COL15A1: variants seen among roughly 807,000 people sequenced by gnomAD.
COL15A1 encodes the protein collagen type XV alpha 1 chain.
COL15A1 carries 111 observed loss-of-function variants against 165.9 expected under a neutral mutation model. That is an observed-to-expected ratio of 0.67 (90% CI 0.57 to 0.78). The LOEUF is 0.78. COL15A1 is among the 30% of genes least tolerant of loss of function. The pLI, the probability that COL15A1 is intolerant of heterozygous loss-of-function variation, is 0.00. For missense variants in COL15A1, 1,745 were observed against 1,789.7 expected (o/e 0.98, Z 0.45); for synonymous variants, 659 against 674.8 (o/e 0.98, Z 0.36).
At chr9:98,944,284 C>T in intron 2 of COL15A1, 34 bp downstream of exon 2, 1 of 1,599,922 alleles carries the variant, frequency 6.3e-7, no homozygotes, top group Non-Finnish European at 8.5e-7. Flanking sequence ...GCACCGGCTG[C>T]CTCCGCGCCC....
At chr9:98,990,358 C>T (rs1375266165) in intron 5 of COL15A1, among the ~76,000 whole-genome samples, 2 of 152,178 alleles carry the variant, frequency 1.3e-5, no homozygotes, top group Non-Finnish European at 2.9e-5. Context: ...AAGTCCATCC[C>T]AAGGATGGCG....
chr9:99,036,459 G>T (rs1314663153), intron 21 of COL15A1, 63 bp downstream of exon 21: 36 of 1,568,042 alleles, frequency 2.3e-5, no homozygotes, highest in African/African-American at 5.4e-5. Context: ...GGGAGGAGAA[G>T]GTTGTCCATG....
intron 2 of COL15A1, among the ~76,000 whole-genome samples, chr9:98,946,999 A>T (rs1837597448): frequency 1.3e-5 from 2 of 152,222 alleles, no homozygotes; most frequent in Non-Finnish European, 2.9e-5. Flanking sequence ...GTTTCTTAAA[A>T]TGTTAAATAT....
At chr9:99,044,873 A>T in intron 26 of COL15A1, 103 bp downstream of exon 26, 7 of 1,144,376 alleles carry the variant, frequency 6.1e-6, no homozygotes, top group Non-Finnish European at 9.1e-6. Flanking sequence ...AAATTCAAAG[A>T]TGTGGCAAAG....
chr9:99,066,621 TTTTC>T (rs2063571919), intron 39 of COL15A1, among the ~76,000 whole-genome samples: 1 of 137,808 alleles, frequency 7.3e-6, no homozygotes, highest in African/African-American at 2.9e-5. Flanking sequence ...TTTTTTTTTT[TTTTC>T]ACCTAAGGAA....
At chr9:99,023,137 A>C (rs1839055732) in intron 13 of COL15A1, among the ~76,000 whole-genome samples, 1 of 152,146 alleles carries the variant, frequency 6.6e-6, no homozygotes, top group Non-Finnish European at 1.5e-5. Flanking sequence ...GCAGGAAAGG[A>C]GGCCGAGGAC....
chr9:98,992,384 G>A (rs1044139421), intron 5 of COL15A1, among the ~76,000 whole-genome samples: 1 of 152,236 alleles, frequency 6.6e-6, no homozygotes, highest in African/African-American at 2.4e-5. Flanking sequence ...CGGTGGCACC[G>A]GCTGGCCGCT....
At chr9:99,001,279 C>A (rs189877035) in intron 7 of COL15A1, among the ~76,000 whole-genome samples, 22 of 152,286 alleles carry the variant, frequency 1.4e-4, no homozygotes, top group Middle Eastern at 3.4e-3. Flanking sequence ...CCTTTGAGTC[C>A]CCTTCAAGAC....
Position 99,055,271 on chromosome 9 carries a change from GGAGA to G in COL15A1, c.3092_3095del (p.Gly1031AlafsTer121). 6.2e-7 allele frequency: 1 copy of G among 1,611,370 alleles called. No individual in the cohort carries two copies. The highest frequency in any genetic ancestry group is 8.5e-7 in the Non-Finnish European group (1 of 1,177,512). On this transcript the variant is annotated frameshift_variant, in exon 34 of 42. Transcript: ENST00000375001. LOFTEE classifies it high-confidence loss of function. Reference sequence around the variant, plus strand: ...TGTTCTCTGCTTCCAGGGGGAGAATGGAGACAAGGGGTTCAAAGGTGAAAAAGGA... The same window carrying G: ...TGTTCTCTGCTTCCAGGGGGAGAATGCAAGGGGTTCAAAGGTGAAAAAGGA...
chr9:99,027,080 G>A (rs1839138793), intron 16 of COL15A1, among the ~76,000 whole-genome samples: 1 of 152,194 alleles, frequency 6.6e-6, no homozygotes, highest in Non-Finnish European at 1.5e-5. Context: ...GGTGCTACCT[G>A]GGGCGTGTAT....
At chr9:99,028,162 A>T in intron 16 of COL15A1, among the ~76,000 whole-genome samples, 1 of 152,234 alleles carries the variant, frequency 6.6e-6, no homozygotes, top group Non-Finnish European at 1.5e-5. Context: ...CACAGCACAT[A>T]GACCAATCTA....
In COL15A1 at chr9:99,013,295, C is replaced by A. The variant is rs534367213; in HGVS notation, c.1354-2122C>A. On this transcript the variant is annotated intron_variant, in intron 9 of 41. Coordinates refer to ENST00000375001, the MANE Select transcript of COL15A1 (RefSeq NM_001855.5). ...TGCTGCATGTCATGGGGGGGTCAACCCCCCAAGACACTCCCACTTGCCCTC... is the reference window on the plus strand; with the variant it reads ...TGCTGCATGTCATGGGGGGGTCAACACCCCAAGACACTCCCACTTGCCCTC... Among the ~76,000 whole-genome samples, 6 of 152,194 alleles carry A rather than the reference C, an allele frequency of 3.9e-5. No individual in the cohort carries two copies. In the East Asian group the frequency reaches 1.2e-3, roughly 29 times the overall value.
rs758359782 is a variant in COL15A1, at chr9:99,067,022, T to C, written c.3792T>C (p.Ile1264=). The change falls in exon 40 of 42, where the codon ATT becomes ATC. Residue 1264 remains isoleucine, a synonymous_variant. Coordinates refer to ENST00000375001, the MANE Select transcript of COL15A1 (RefSeq NM_001855.5). ...LSSHLQDLST[I]VRKAERYSLP... ...CCCATTTGCAAGATCTGTCCACCAT[T>C]GTGAGGAAAGCAGAGAGATACAGCC... is the stretch of plus-strand genomic sequence containing the variant. 2 of 1,614,124 alleles carry C rather than the reference T, an allele frequency of 1.2e-6. No individual in the cohort carries two copies. Among genetic ancestry groups the C allele is most frequent in the Non-Finnish European group, 8.5e-7 (1 of 1,179,988 alleles).
At chr9:98,976,416 CACAG>C (rs1049595433) in intron 2 of COL15A1, among the ~76,000 whole-genome samples, 4 of 152,210 alleles carry the variant, frequency 2.6e-5, no homozygotes, top group Non-Finnish European at 5.9e-5. Context: ...GGCCCAAGGT[CACAG>C]ACAGAGTCTT....
At chr9:99,057,055 T>C (rs890324855) in intron 35 of COL15A1, among the ~76,000 whole-genome samples, 3 of 152,234 alleles carry the variant, frequency 2.0e-5, no homozygotes, top group Non-Finnish European at 1.5e-5. Flanking sequence ...TTCTCTTCAG[T>C]ATATACGTAG....
intron 2 of COL15A1, among the ~76,000 whole-genome samples, chr9:98,949,632 C>A (rs1837646387): frequency 6.6e-6 from 1 of 152,174 alleles, no homozygotes. Context: ...TTATTAATTA[C>A]CTTTTCATAT....
chr9:98,997,159 A>G, intron 6 of COL15A1, 78 bp downstream of exon 6: 1 of 1,531,684 alleles, frequency 6.5e-7, no homozygotes, highest in South Asian at 1.2e-5. Context: ...CCATGTATGT[A>G]ACATACAGAA....
rs773183104 is a variant in COL15A1 at position 99,038,695 on chromosome 9, A to T, written c.2437A>T (p.Met813Leu). ...CTTGATCAATATCACCCATGGATTC[A>T]TGAATTTCTCGGACATTCCTGAGCT... ...NSLINITHGF[M>L]NFSDIPELVG... The change falls in exon 22 of 42, where the codon ATG becomes TTG. Residue 813 changes from methionine (M) to leucine (L), a missense_variant. Met to Leu is a conservative substitution (Grantham distance 15, BLOSUM62 2). Transcript: ENST00000375001. 1.8e-5 allele frequency: 29 copies of T among 1,610,752 alleles called. No individual in the cohort carries two copies. Among genetic ancestry groups the T allele is most frequent in the Middle Eastern group, 1.6e-4 (1 of 6,076 alleles).
At position 99,016,194 on chromosome 9, in the gene COL15A1, A is replaced by G. The variant is rs551277890; in HGVS notation, c.1647+75A>G. The G allele has an allele frequency of 2.2e-4, 326 of 1,490,500 alleles. 1 individual carries two copies. In the African/African-American group the frequency reaches 4.2e-3, roughly 19 times the overall value. 92.3% of individuals were successfully genotyped at this position (1,490,500 alleles called of 1,614,324 possible). On this transcript the variant is annotated intron_variant, in intron 11 of 41. Transcript: ENST00000375001. ...GAGAAAGAAAGGCCAGAGTTGTGGG[A>G]AGGGCTGGCCCCCAGCTTTCTCAGA...
Sources: gnomAD v4.1 joint callset for allele counts (sites outside exome capture counted in the v4.1 genomes callset) on GRCh38, gnomAD v4.1.1 for gene constraint, MANE v1.5 for transcripts, NCBI Gene and HGNC (gene_info 2026-07-23, HGNC 2026-07-21) for gene names.